SLIT3: variants seen among roughly 807,000 people sequenced by gnomAD.
SLIT3 encodes slit homolog 3 protein.
A neutral mutation model predicts 184.0 loss-of-function variants in SLIT3; 68 were observed. That is an observed-to-expected ratio of 0.37 (90% confidence interval 0.30 to 0.45). The LOEUF (loss-of-function observed/expected upper bound fraction) is 0.45. Among genes scored for constraint, SLIT3 ranks in the 20% least tolerant of loss-of-function variants. The pLI, the probability that SLIT3 is intolerant of heterozygous loss-of-function variation, is 1.00. For missense variants in SLIT3, 1,707 were observed against 2,026.0 expected (o/e 0.84, Z 3.02); for synonymous variants, 831 against 828.6 (o/e 1.00, Z -0.05).
At chr5:169,154,748 T>C (rs944456340) in intron 4 of SLIT3, among the ~76,000 whole-genome samples, 9 of 152,266 alleles carry the variant, frequency 5.9e-5, no homozygotes, top group African/African-American at 2.2e-4. Context: ...AAATGCACTA[T>C]AAATGTTAGT....
chr5:168,739,062 A>T (rs918994411), intron 20 of SLIT3, among the ~76,000 whole-genome samples: 17 of 152,084 alleles, frequency 1.1e-4, no homozygotes, highest in African/African-American at 4.1e-4. Flanking sequence ...ACTTTCCCTC[A>T]CTTAAAGACT....
chr5:168,999,980 C>T (rs1019317933), intron 4 of SLIT3, among the ~76,000 whole-genome samples: 1 of 152,192 alleles, frequency 6.6e-6, no homozygotes, highest in African/African-American at 2.4e-5. Context: ...GTCTGGGTAT[C>T]CCCATCCTTC....
At chr5:169,085,517 G>C (rs1327505444) in intron 4 of SLIT3, among the ~76,000 whole-genome samples, 1 of 152,094 alleles carries the variant, frequency 6.6e-6, no homozygotes, top group Non-Finnish European at 1.5e-5. Flanking sequence ...AAAACTTAAG[G>C]GACTTTTAAT....
At chr5:169,181,756 T>C (rs76413234) in intron 4 of SLIT3, among the ~76,000 whole-genome samples, 1 of 131,684 alleles carries the variant, frequency 7.6e-6, no homozygotes, top group Non-Finnish European at 1.6e-5. Flanking sequence ...AAAAAAAAAA[T>C]TATTGAAGTT....
chr5:169,206,523 G>T (rs1317487375), intron 3 of SLIT3, among the ~76,000 whole-genome samples: 2 of 152,334 alleles, frequency 1.3e-5, no homozygotes, highest in South Asian at 4.1e-4. Flanking sequence ...AAATTTTCTG[G>T]AAGTGTACTG....
chr5:169,117,141 G>A (rs915032321), intron 4 of SLIT3, among the ~76,000 whole-genome samples: 5 of 152,132 alleles, frequency 3.3e-5, no homozygotes, highest in Non-Finnish European at 7.3e-5. Flanking sequence ...CACAAGTAGC[G>A]TGGAATGAGA....
intron 26 of SLIT3, among the ~76,000 whole-genome samples, chr5:168,705,624 A>G (rs1272201146): frequency 2.6e-5 from 4 of 152,160 alleles, no homozygotes; most frequent in South Asian, 2.1e-4. Context: ...CTCAAGATCA[A>G]AATCTCTGTT....
chr5:168,747,584 G>A (rs1344902134), intron 20 of SLIT3, among the ~76,000 whole-genome samples: 2 of 152,158 alleles, frequency 1.3e-5, no homozygotes, highest in African/African-American at 4.8e-5. Flanking sequence ...CCTCACTGGG[G>A]GACCGTGCCT....
intron 12 of SLIT3, among the ~76,000 whole-genome samples, chr5:168,778,378 T>C (rs1386229717): frequency 1.2e-4 from 19 of 152,264 alleles, no homozygotes; most frequent in Admixed American, 1.2e-3. Context: ...GTCTATATTC[T>C]CTTTTCCATT....
intron 4 of SLIT3, among the ~76,000 whole-genome samples, chr5:168,929,228 C>G (rs187898160): frequency 6.6e-6 from 1 of 152,104 alleles, no homozygotes. Context: ...ACCATTTTAC[C>G]CCCAAGTGTG....
At chr5:168,680,793 TTC>T (rs2113210549) in intron 32 of SLIT3, among the ~76,000 whole-genome samples, 1 of 152,264 alleles carries the variant, frequency 6.6e-6, no homozygotes, top group South Asian at 2.1e-4. Flanking sequence ...GAGAAAATGA[TTC>T]TGAGGCACAG....
chr5:169,034,912 A>AGTGTGTGTGTGTGTGT (rs112102059), intron 4 of SLIT3, among the ~76,000 whole-genome samples: 6 of 132,322 alleles, frequency 4.5e-5, no homozygotes, highest in Admixed American at 3.8e-4. Context: ...ACGCCCAGCT[A>AGTGTGTGTGTGTGTGT]GTGTGTGTGT....
At chr5:168,891,196 AG>A (rs1336501726) in intron 4 of SLIT3, among the ~76,000 whole-genome samples, 1 of 152,220 alleles carries the variant, frequency 6.6e-6, no homozygotes, top group African/African-American at 2.4e-5. Context: ...TTTTGGGAGC[AG>A]GATGCAAAGG....
chr5:168,893,252 G>A (rs1760534130), intron 4 of SLIT3, among the ~76,000 whole-genome samples: 2 of 152,260 alleles, frequency 1.3e-5, no homozygotes, highest in East Asian at 1.9e-4. Flanking sequence ...GGAGACTGGC[G>A]TTTTGTTTAT....
chr5:169,290,416 C>G (rs549855511), intron 1 of SLIT3, among the ~76,000 whole-genome samples: 2 of 151,098 alleles, frequency 1.3e-5, no homozygotes, highest in East Asian at 4.0e-4. Context: ...CACACTAGGG[C>G]ATACACTGGG....
chr5:168,736,428 A>G (rs1165442106), intron 20 of SLIT3, among the ~76,000 whole-genome samples: 1 of 152,104 alleles, frequency 6.6e-6, no homozygotes, highest in South Asian at 2.1e-4. Flanking sequence ...CTGGAGGCAC[A>G]TTTCAGTCTC....
At chr5:168,932,511 T>C (rs1762023161) in intron 4 of SLIT3, among the ~76,000 whole-genome samples, 1 of 152,024 alleles carries the variant, frequency 6.6e-6, no homozygotes. Context: ...TTTGTAAAAT[T>C]TTCCAGTCAA....
chr5:169,169,633 G>A (rs758649403), intron 4 of SLIT3, among the ~76,000 whole-genome samples: 13 of 152,136 alleles, frequency 8.5e-5, no homozygotes, highest in Non-Finnish European at 1.3e-4. Context: ...ACCACAAATT[G>A]GTCCCTATCA....
chr5:168,686,721 C>T (rs1761755363), intron 30 of SLIT3, among the ~76,000 whole-genome samples: 1 of 152,230 alleles, frequency 6.6e-6, no homozygotes, highest in Non-Finnish European at 1.5e-5. Context: ...ACAAGCTGAA[C>T]CTAAGCCCAG....
Sources: allele counts gnomAD v4.1 joint callset (sites outside exome capture counted in the v4.1 genomes callset), GRCh38; gene constraint gnomAD v4.1.1; transcripts MANE v1.5; gene names NCBI Gene and HGNC (gene_info 2026-07-23, HGNC 2026-07-21).